The following SVIL variants were observed in gnomAD, a reference collection of about 807,000 sequenced individuals.
The protein encoded by SVIL is archvillin.
A neutral mutation model predicts 240.4 loss-of-function variants in SVIL; 101 were observed. The observed-to-expected ratio is 0.42, with a 90% CI of 0.36 to 0.50. The LOEUF (loss-of-function observed/expected upper bound fraction) is 0.50. Ranked by LOEUF, SVIL falls within the 20% of genes least tolerant of loss-of-function variation. The pLI, the probability that SVIL is intolerant of heterozygous loss-of-function variation, is 0.01. For missense variants in SVIL, 2,512 were observed against 2,818.7 expected, an observed-to-expected ratio of 0.89 and a Z score of 2.46; for synonymous variants, 999 against 1,100.0, an observed-to-expected ratio of 0.91 and a Z score of 1.82.
At chr10:29,711,272 C>T (rs902132389) in intron 1 of SVIL, among the ~76,000 whole-genome samples, 2 of 152,048 alleles carry the variant, frequency 1.3e-5, no homozygotes, top group Non-Finnish European at 2.9e-5. Flanking sequence ...TGGTGACGCA[C>T]GCCGGTGGTC....
intron 1 of SVIL, among the ~76,000 whole-genome samples, chr10:29,704,338 C>T (rs992642624): frequency 2.0e-5 from 3 of 152,166 alleles, no homozygotes; most frequent in Admixed American, 2.0e-4. Context: ...CAAACTGTGC[C>T]ACAAAATATG....
rs2132555839 is a variant in SVIL, at chr10:29,529,857, G to A, written c.2107-13C>T. On this transcript the variant is annotated splice_polypyrimidine_tract_variant and intron_variant, in intron 11 of 37. Transcript: ENST00000355867. Reference sequence around the variant, plus strand: ...ATTTTTCCATCTCCTAAGATTAGAAGTATTGTGGAACCCTTATAAATTCAA... The same window carrying A: ...ATTTTTCCATCTCCTAAGATTAGAAATATTGTGGAACCCTTATAAATTCAA... 1.2e-6 allele frequency: 2 copies of A among 1,602,914 alleles called. No individual in the cohort carries two copies. The highest frequency in any genetic ancestry group is 8.5e-7 in the Non-Finnish European group (1 of 1,175,346).
intron 2 of SVIL, among the ~76,000 whole-genome samples, chr10:29,686,116 G>A (rs1961047883): frequency 1.3e-5 from 2 of 152,218 alleles, no homozygotes; most frequent in Non-Finnish European, 2.9e-5. Flanking sequence ...ATTAGGCAGA[G>A]CAACTTGAAG....
intron 2 of SVIL, among the ~76,000 whole-genome samples, chr10:29,564,533 C>G (rs1363890491): frequency 2.6e-5 from 4 of 152,110 alleles, no homozygotes; most frequent in African/African-American, 9.7e-5. Flanking sequence ...CTGACCTTCC[C>G]CCTGTTCGGG....
rs57917537 is a variant in SVIL, at chr10:29,661,946, G to C, written c.-300-3878C>G. 0.011 allele frequency among the ~76,000 whole-genome samples: 1,610 copies of C among 152,178 alleles called. 100 individuals are homozygous for C. In the East Asian group the frequency reaches 0.19, roughly 18 times the overall value. ...CCCAAAGGGCTGAGGTTACAGGAGT[G>C]AGCCACCATGCCCGGCCCCAGTGAG... On this transcript the variant is annotated intron_variant, in intron 2 of 35. Coordinates refer to the SVIL transcript ENST00000375400.
intron 1 of SVIL, among the ~76,000 whole-genome samples, chr10:29,571,883 G>A (rs1955437890): frequency 6.6e-6 from 1 of 152,172 alleles, no homozygotes; most frequent in African/African-American, 2.4e-5. Flanking sequence ...ATGGAGCTAT[G>A]GGATCTTGGG....
At chr10:29,461,864 G>A (rs1329666438) in intron 36 of SVIL, among the ~76,000 whole-genome samples, 1 of 152,188 alleles carries the variant, frequency 6.6e-6, no homozygotes, top group African/African-American at 2.4e-5. Context: ...TAATTCATCA[G>A]ATTTCGTTTG....
chr10:29,642,887 T>C (rs1338979779), intron 3 of SVIL, among the ~76,000 whole-genome samples: 1 of 152,186 alleles, frequency 6.6e-6, no homozygotes, highest in Non-Finnish European at 1.5e-5. Flanking sequence ...GGTTTCACCA[T>C]GTTGGCCAGG....
Position 29,551,019 on chromosome 10 carries a change from G to C in SVIL, c.405C>G (p.Arg135=), listed in dbSNP as rs777532801. ...DPEADSEYLS[R]YTKSRKEPDA... The stretch of plus-strand genomic sequence containing the variant: ...CAGGCTCCTTCCTGGACTTGGTATA[G>C]CGGGATAAATACTCGGAGTCGGCCT... The change falls in exon 6 of 38, where the codon CGC becomes CGG. Residue 135 remains arginine (R), a synonymous_variant. Coordinates refer to ENST00000355867, the MANE Select transcript of SVIL (RefSeq NM_021738.3). 6.2e-7 allele frequency: 1 copy of C among 1,614,140 alleles called. No homozygotes were observed. The highest frequency in any genetic ancestry group is 8.5e-7 in the Non-Finnish European group (1 of 1,180,022).
Position 29,532,887 on chromosome 10 carries a change from C to G in SVIL, c.1480G>C (p.Glu494Gln). Residue 494 changes from glutamate (E) to glutamine (Q), a missense_variant, in exon 8 of 38, where the codon GAA becomes CAA. By Grantham distance (29) the Glu-to-Gln change is conservative (BLOSUM62 2). Transcript: ENST00000355867. The part of the protein sequence containing the change: ...TVTLEHQKEL[E>Q]NVAQPPQAPH... ...GCTTGAGGGGGTTGTGCCACGTTTT[C>G]CAGTTCCTTCTGATGCTCTAAGGTG... The G allele has an allele frequency of 1.2e-6, 2 of 1,614,140 alleles. No homozygotes were observed. Among genetic ancestry groups the G allele is most frequent in the Non-Finnish European group, 1.7e-6 (2 of 1,180,024 alleles).
At chr10:29,583,973 G>A (rs1006274188) in intron 1 of SVIL, among the ~76,000 whole-genome samples, 8 of 152,180 alleles carry the variant, frequency 5.3e-5, no homozygotes, top group African/African-American at 1.4e-4. Context: ...ATTAGGATAC[G>A]CCCACAGAAT....
intron 6 of SVIL, among the ~76,000 whole-genome samples, chr10:29,547,615 CA>C (rs1952810560): frequency 1.3e-5 from 2 of 152,138 alleles, no homozygotes; most frequent in Admixed American, 1.3e-4. Context: ...AAGTTATATA[CA>C]TTTTTTTAAT....
At chr10:29,721,538 CAA>C (rs34892414) in intron 1 of SVIL, among the ~76,000 whole-genome samples, 50 of 145,024 alleles carry the variant, frequency 3.4e-4, no homozygotes, top group East Asian at 6.0e-4. Context: ...AACACCAATC[CAA>C]AAAAAAAAAA....
At chr10:29,690,052 G>A (rs1589519720) in intron 1 of SVIL, among the ~76,000 whole-genome samples, 1 of 152,138 alleles carries the variant, frequency 6.6e-6, no homozygotes. Context: ...AAATCTAAAC[G>A]GCTCCAGAGG....
chr10:29,695,845 C>G lies in SVIL; in HGVS notation c.-399-9194G>C, dbSNP rs1170002882. Among the ~76,000 whole-genome samples, 195 of 68,724 alleles carry G rather than the reference C, an allele frequency of 2.8e-3. 5 individuals are homozygous for G. The highest frequency in any genetic ancestry group is 4.4e-3 in the Non-Finnish European group (153 of 35,144). The allele number at this position is 68,724 out of a possible 152,430, so 45.1% of individuals were successfully genotyped here. A position where few individuals can be genotyped will look rare whatever the true frequency, so the allele number is the denominator to read the frequency against. ...GTCTCCCTCTCCCTCTCCCGTCTCC[C>G]TCTCCCTCTCCCTCTCCCGTCTCCC... On this transcript the variant is annotated intron_variant, in intron 1 of 35. Coordinates refer to the SVIL transcript ENST00000375400.
At chr10:29,581,732 A>G (rs1196844592) in intron 1 of SVIL, among the ~76,000 whole-genome samples, 1 of 152,242 alleles carries the variant, frequency 6.6e-6, no homozygotes, top group Non-Finnish European at 1.5e-5. Flanking sequence ...GGTTCATTCC[A>G]AATCTATGGC....
chr10:29,458,568 T>C lies in SVIL; in HGVS notation c.6424A>G (p.Ile2142Val). 2 of 1,612,686 alleles carry C rather than the reference T, an allele frequency of 1.2e-6. No homozygotes were observed. Among genetic ancestry groups the C allele is most frequent in the South Asian group, 1.1e-5 (1 of 90,834 alleles). Residue 2142 changes from isoleucine to valine, a missense_variant, in exon 37 of 38, where the codon ATC (isoleucine) becomes GTC (valine). Ile to Val is a conservative substitution (Grantham distance 29). This residue lies in a region of SVIL where 797 missense variants were observed against 925.3 expected (regional missense o/e 0.86). Transcript: ENST00000355867. ...TEMDTEVSNQITLVEDVLAKL... is the reference protein window; with the variant it reads ...TEMDTEVSNQVTLVEDVLAKL... ...GCTAAGACGTCTTCCACGAGGGTGA[T>C]CTGATTGGAAACTTCCGTGTCCTAG...
intron 1 of SVIL, among the ~76,000 whole-genome samples, chr10:29,574,268 A>G (rs1421033677): frequency 6.6e-6 from 1 of 152,188 alleles, no homozygotes; most frequent in African/African-American, 2.4e-5. Context: ...CTGCTTTAGG[A>G]GAAGGGGTAA....
chr10:29,669,312 C>T (rs1959579912), intron 2 of SVIL, among the ~76,000 whole-genome samples: 1 of 152,060 alleles, frequency 6.6e-6, no homozygotes, highest in East Asian at 1.9e-4. Flanking sequence ...CTGGTCTGTG[C>T]ACGAAACTTG....
Sources: gnomAD v4.1 joint callset for allele counts (sites outside exome capture counted in the v4.1 genomes callset) on GRCh38, gnomAD v4.1.1 for gene constraint, gnomAD v4.1.1 regional missense constraint, MANE v1.5 for transcripts, NCBI Gene and HGNC (gene_info 2026-07-23, HGNC 2026-07-21) for gene names.